NPAS3: variants seen among roughly 807,000 people sequenced by gnomAD.
The protein encoded by NPAS3 is neuronal PAS domain protein 3.
A neutral mutation model predicts 73.1 loss-of-function variants in NPAS3; 14 were observed. The ratio of observed to expected loss-of-function variants is 0.19; its 90% CI spans 0.13 to 0.30. The LOEUF (loss-of-function observed/expected upper bound fraction) is 0.30. Among genes scored for constraint, NPAS3 ranks in the 10% least tolerant of loss-of-function variants. NPAS3 has a pLI of 1.00. For missense variants in NPAS3, 1,096 were observed against 1,250.0 expected, an observed-to-expected ratio of 0.88 and a Z score of 1.86; for synonymous variants, 620 against 541.5, an observed-to-expected ratio of 1.14 and a Z score of -2.01.
chr14:32,967,778 G>GC (rs1040659961), intron 1 of NPAS3, among the ~76,000 whole-genome samples: 1 of 150,174 alleles, frequency 6.7e-6, no homozygotes, highest in Non-Finnish European at 1.5e-5. Context: ...ATGTGGGGGG[G>GC]GGTCCTAAAA....
chr14:33,177,436 T>A (rs115524163), intron 2 of NPAS3, among the ~76,000 whole-genome samples: 1,807 of 152,086 alleles, frequency 0.012, 36 homozygotes, highest in African/African-American at 0.04. Context: ...ATATGTGATT[T>A]GCAAATATTT....
At chr14:33,623,584 A>G (rs1296193840) in intron 5 of NPAS3, among the ~76,000 whole-genome samples, 3 of 152,162 alleles carry the variant, frequency 2.0e-5, no homozygotes, top group Admixed American at 6.5e-5. Context: ...AACAACCACG[A>G]TGGTCCTGTG....
intron 4 of NPAS3, among the ~76,000 whole-genome samples, chr14:33,503,596 G>A (rs367862974): frequency 2.2e-4 from 34 of 151,826 alleles, no homozygotes; most frequent in South Asian, 6.2e-4. Flanking sequence ...AAAATGGCAC[G>A]GCAATGGGGC....
At chr14:33,038,612 G>A (rs935059587) in intron 1 of NPAS3, among the ~76,000 whole-genome samples, 1 of 152,060 alleles carries the variant, frequency 6.6e-6, no homozygotes, top group South Asian at 2.1e-4. Flanking sequence ...TTATTAAAAA[G>A]CAAATTGTTT....
intron 2 of NPAS3, among the ~76,000 whole-genome samples, chr14:33,187,342 C>T (rs535830326): frequency 6.6e-6 from 1 of 152,322 alleles, no homozygotes; most frequent in Admixed American, 6.5e-5. Flanking sequence ...ACTACCCTCA[C>T]CTGAAATGCT....
intron 2 of NPAS3, among the ~76,000 whole-genome samples, chr14:33,102,662 A>G (rs2138898561): frequency 6.6e-6 from 1 of 152,286 alleles, no homozygotes; most frequent in South Asian, 2.1e-4. Context: ...ATGCAGGCAT[A>G]TAATGAAGCT....
exon 12 of NPAS3, chr14:33,799,797 A>C: frequency 1.2e-6 from 2 of 1,612,498 alleles, no homozygotes; most frequent in Non-Finnish European, 1.7e-6. Context: ...GAAGACCCGG[A>C]GCCCGACCGG....
chr14:33,418,066 A>G (rs1047361621), intron 4 of NPAS3, among the ~76,000 whole-genome samples: 1 of 151,702 alleles, frequency 6.6e-6, no homozygotes, highest in African/African-American at 2.4e-5. Context: ...TTTTTCAGAA[A>G]TCTAATTCTA....
intron 4 of NPAS3, among the ~76,000 whole-genome samples, chr14:33,382,583 T>C (rs1223474880): frequency 1.3e-5 from 2 of 152,188 alleles, no homozygotes; most frequent in Non-Finnish European, 2.9e-5. Flanking sequence ...CAAGCATTTA[T>C]AGCTTGTTAT....
At chr14:33,578,369 A>AT (rs748255791) in intron 5 of NPAS3, 15 of 366,864 alleles carry the variant, frequency 4.1e-5, no homozygotes, top group Non-Finnish European at 7.4e-5. Flanking sequence ...AATTTTTTGT[A>AT]TTTTTAGTAG....
intron 3 of NPAS3, among the ~76,000 whole-genome samples, chr14:33,343,097 T>G (rs905727883): frequency 6.6e-6 from 1 of 152,222 alleles, no homozygotes; most frequent in African/African-American, 2.4e-5. Context: ...TCTGTACATT[T>G]GCTTTGCATT....
chr14:33,606,676 TC>T (rs770766836), intron 5 of NPAS3, among the ~76,000 whole-genome samples: 1 of 152,160 alleles, frequency 6.6e-6, no homozygotes, highest in Non-Finnish European at 1.5e-5. Flanking sequence ...TTTGTGACCT[TC>T]GGTTAGATAA....
intron 2 of NPAS3, among the ~76,000 whole-genome samples, chr14:33,156,779 G>T (rs1595568021): frequency 6.6e-6 from 1 of 152,038 alleles, no homozygotes; most frequent in Non-Finnish European, 1.5e-5. Flanking sequence ...CTTCTCTTTT[G>T]CATTTTAGTT....
chr14:33,557,340 G>A (rs989324675), intron 4 of NPAS3, among the ~76,000 whole-genome samples: 1 of 152,114 alleles, frequency 6.6e-6, no homozygotes, highest in African/African-American at 2.4e-5. Context: ...AACCTCCTGT[G>A]GAAGTAACTT....
At chr14:33,491,591 A>G (rs1335579611) in intron 4 of NPAS3, among the ~76,000 whole-genome samples, 1 of 152,186 alleles carries the variant, frequency 6.6e-6, no homozygotes, top group African/African-American at 2.4e-5. Flanking sequence ...GGTAGCTACC[A>G]TATTAGCTCT....
chr14:33,655,317 A>G (rs892861736), intron 5 of NPAS3, among the ~76,000 whole-genome samples: 1 of 144,910 alleles, frequency 6.9e-6, no homozygotes. Flanking sequence ...CTTTTTCTCT[A>G]TATACCTTTG....
At chr14:33,421,220 A>AT (rs1316921451) in intron 4 of NPAS3, among the ~76,000 whole-genome samples, 1 of 150,498 alleles carries the variant, frequency 6.6e-6, no homozygotes, top group Non-Finnish European at 1.5e-5. Context: ...ACTGTGACTT[A>AT]TCATTGTTGT....
chr14:33,560,978 A>C (rs193151204), intron 5 of NPAS3, among the ~76,000 whole-genome samples: 55 of 152,304 alleles, frequency 3.6e-4, no homozygotes, highest in Admixed American at 2.0e-3. Flanking sequence ...TCTCCATAAA[A>C]ATGCTGAACA....
chr14:33,429,439 A>G (rs1464740772), intron 4 of NPAS3, among the ~76,000 whole-genome samples: 1 of 152,152 alleles, frequency 6.6e-6, no homozygotes, highest in East Asian at 1.9e-4. Flanking sequence ...AGTTTTCTAC[A>G]CGCAAATTAG....
Sources: allele counts gnomAD v4.1 joint callset (sites outside exome capture counted in the v4.1 genomes callset), GRCh38; gene constraint gnomAD v4.1.1; transcripts MANE v1.5; gene names NCBI Gene and HGNC (gene_info 2026-07-23, HGNC 2026-07-21).